Variants in NXPH2 observed in about 807,000 individuals in gnomAD.
NXPH2 encodes neurexophilin-2.
In NXPH2, 5 loss-of-function variants were observed where a neutral mutation model predicts 19.8. That is an observed-to-expected ratio of 0.25 (90% CI 0.13 to 0.53). NXPH2 has a LOEUF of 0.53. Ranked by LOEUF, NXPH2 falls within the 20% of genes least tolerant of loss-of-function variation. The pLI, the probability that NXPH2 is intolerant of heterozygous loss-of-function variation, is 0.96. For synonymous variants in NXPH2, 154 were observed against 127.4 expected, an observed-to-expected ratio of 1.21 and a Z score of -1.41; for missense variants, 289 against 322.8, an observed-to-expected ratio of 0.90 and a Z score of 0.80.
intron 1 of NXPH2, among the ~76,000 whole-genome samples, chr2:138,776,003 G>C (rs1255909866): frequency 6.6e-6 from 1 of 152,044 alleles, no homozygotes; most frequent in African/African-American, 2.4e-5. Context: ...TCAGGTAAAA[G>C]AGTCCACAGA....
At chr2:138,721,280 G>T (rs1174940828) in intron 1 of NXPH2, among the ~76,000 whole-genome samples, 4 of 151,810 alleles carry the variant, frequency 2.6e-5, no homozygotes, top group Non-Finnish European at 5.9e-5. Context: ...AGTGGAGGTT[G>T]CAGTGAGCCG....
intron 1 of NXPH2, among the ~76,000 whole-genome samples, chr2:138,688,658 A>G (rs180930217): frequency 1.3e-4 from 20 of 152,346 alleles, no homozygotes; most frequent in African/African-American, 4.1e-4. Flanking sequence ...TGTAACAACT[A>G]TTATTGAAAG....
Position 138,669,880 on chromosome 2 carries a change from C to G in NXPH2, c.*1042G>C, listed in dbSNP as rs1191444159. On this transcript the variant is annotated 3_prime_UTR_variant, in exon 2 of 2. Transcript: ENST00000272641. Reference sequence around the variant, plus strand: ...TAATTAGAAATGTTTAAATATAACTCTCTATTTCCACATAGAGTTTGATCT... The same window carrying G: ...TAATTAGAAATGTTTAAATATAACTGTCTATTTCCACATAGAGTTTGATCT... Among the ~76,000 whole-genome samples, 1 of 152,206 alleles carries G rather than the reference C, an allele frequency of 6.6e-6. No individual in the cohort carries two copies. The highest frequency in any genetic ancestry group is 1.5e-5 in the Non-Finnish European group (1 of 68,036).
chr2:138,755,271 C>T lies in NXPH2; in HGVS notation c.51+24920G>A, dbSNP rs539499156. On this transcript the variant is annotated intron_variant, in intron 1 of 1. Transcript: ENST00000272641. ...GACCCAAGGTCACATAGATTTTCTC[C>T]TGTGGTTTTTTTCTAGAAGTTTTGT... 1.1e-4 allele frequency among the ~76,000 whole-genome samples: 16 copies of T among 151,996 alleles called. No individual in the cohort carries two copies. In the South Asian group the frequency reaches 2.7e-3, roughly 26 times the overall value.
intron 1 of NXPH2, among the ~76,000 whole-genome samples, chr2:138,757,692 C>A (rs930344789): frequency 2.0e-5 from 3 of 151,730 alleles, no homozygotes; most frequent in Admixed American, 6.6e-5. Flanking sequence ...TAAGGCCAAC[C>A]ATCCCCATAA....
At chr2:138,732,904 A>T (rs180766398) in intron 1 of NXPH2, among the ~76,000 whole-genome samples, 218 of 152,318 alleles carry the variant, frequency 1.4e-3, no homozygotes, top group African/African-American at 4.9e-3. Context: ...TAAAAGAAAA[A>T]ATTCAGAGGC....
In NXPH2 at chr2:138,751,154, A is replaced by C. The variant is rs1681823238; in HGVS notation, c.51+29037T>G. On this transcript the variant is annotated intron_variant, in intron 1 of 1. Transcript: ENST00000272641. ...GCTAGAATATATGCTCATGAGAGCA[A>C]GTAACTAGTTGTCAAATGAACCAGA... Among the ~76,000 whole-genome samples the C allele has an allele frequency of 1.3e-5, 2 of 152,094 alleles. 1 individual carries two copies. The highest frequency in any genetic ancestry group is 4.1e-4 in the South Asian group (2 of 4,826).
At chr2:138,718,974 G>C (rs1253808734) in intron 1 of NXPH2, among the ~76,000 whole-genome samples, 1 of 152,004 alleles carries the variant, frequency 6.6e-6, no homozygotes, top group East Asian at 1.9e-4. Context: ...GGGTGGGGGA[G>C]GAAGAGGAAA....
intron 1 of NXPH2, among the ~76,000 whole-genome samples, chr2:138,737,739 C>A (rs939621948): frequency 6.6e-6 from 1 of 152,128 alleles, no homozygotes; most frequent in African/African-American, 2.4e-5. Flanking sequence ...ATATCCTCAT[C>A]AGTATCTATA....
intron 1 of NXPH2, among the ~76,000 whole-genome samples, chr2:138,750,891 T>C (rs1345042323): frequency 1.3e-5 from 2 of 152,112 alleles, no homozygotes; most frequent in Non-Finnish European, 2.9e-5. Context: ...AGGAGGTGAT[T>C]GGATCTTGTT....
intron 1 of NXPH2, among the ~76,000 whole-genome samples, chr2:138,717,114 T>TGCTATGAA (rs1253141118): frequency 6.6e-6 from 1 of 152,028 alleles, no homozygotes; most frequent in East Asian, 1.9e-4. Flanking sequence ...CACAATGGAG[T>TGCTATGAA]GCTATGAAGC....
At position 138,778,094 on chromosome 2, in the gene NXPH2, T is replaced by C. The variant is rs774403021; in HGVS notation, c.51+2097A>G. The stretch of plus-strand genomic sequence containing the variant: ...GCTGGGATTGGGGAATATTTCAATT[T>C]AGATATGCTCAGCCACTCTGTTTTC... On this transcript the variant is annotated intron_variant, in intron 1 of 1. Coordinates refer to ENST00000272641, the MANE Select transcript of NXPH2 (RefSeq NM_007226.3). 4.6e-5 allele frequency among the ~76,000 whole-genome samples: 7 copies of C among 152,360 alleles called. No individual in the cohort carries two copies. The South Asian group carries it at 1.2e-3, about 27-fold the overall frequency.
At chr2:138,674,721 C>T (rs1376710925) in intron 1 of NXPH2, among the ~76,000 whole-genome samples, 1 of 152,186 alleles carries the variant, frequency 6.6e-6, no homozygotes, top group African/African-American at 2.4e-5. Context: ...AGTGACCTGT[C>T]CCAGCATCTC....
chr2:138,689,439 G>A (rs1680712021), intron 1 of NXPH2, among the ~76,000 whole-genome samples: 1 of 152,194 alleles, frequency 6.6e-6, no homozygotes, highest in Non-Finnish European at 1.5e-5. Context: ...GGGAGAGAAA[G>A]ACTACTGGGA....
chr2:138,727,347 A>T (rs1414297326), intron 1 of NXPH2, among the ~76,000 whole-genome samples: 2 of 152,176 alleles, frequency 1.3e-5, no homozygotes, highest in Admixed American at 6.5e-5. Context: ...GCATTCCCCC[A>T]GCAACGAATG....
intron 1 of NXPH2, among the ~76,000 whole-genome samples, chr2:138,741,779 T>C (rs1681646897): frequency 6.6e-6 from 1 of 152,198 alleles, no homozygotes. Context: ...AGATATTACC[T>C]ACATTTGCTT....
intron 1 of NXPH2, among the ~76,000 whole-genome samples, chr2:138,679,202 T>A (rs901256886): frequency 6.6e-5 from 10 of 152,184 alleles, no homozygotes; most frequent in African/African-American, 2.4e-4. Context: ...GGGTTCAACT[T>A]CCATTTAATG....
At chr2:138,745,184 T>C (rs1316045780) in intron 1 of NXPH2, among the ~76,000 whole-genome samples, 2 of 152,186 alleles carry the variant, frequency 1.3e-5, no homozygotes, top group African/African-American at 4.8e-5. Context: ...GAATGCATAA[T>C]GCTTTTCATC....
At chr2:138,715,523 C>A (rs1280000010) in intron 1 of NXPH2, among the ~76,000 whole-genome samples, 1 of 151,950 alleles carries the variant, frequency 6.6e-6, no homozygotes, top group Non-Finnish European at 1.5e-5. Flanking sequence ...GTAAATAAAC[C>A]AGGGTTTGTT....
Sources: gnomAD v4.1 joint callset for allele counts (sites outside exome capture counted in the v4.1 genomes callset) on GRCh38, gnomAD v4.1.1 for gene constraint, MANE v1.5 for transcripts, NCBI Gene and HGNC (gene_info 2026-07-23, HGNC 2026-07-21) for gene names.